Variants in SEMA6D observed in about 807,000 individuals in gnomAD.
SEMA6D encodes semaphorin 6D.
SEMA6D carries 35 observed loss-of-function variants against 106.6 expected under a neutral mutation model. The ratio of observed to expected loss-of-function variants is 0.33; its 90% CI spans 0.25 to 0.44. The LOEUF is 0.44. Among genes scored for constraint, SEMA6D ranks in the 20% least tolerant of loss-of-function variants. The pLI is 1.00. For synonymous variants in SEMA6D, 499 were observed against 487.7 expected, an observed-to-expected ratio of 1.02 and a Z score of -0.31; for missense variants, 1,185 against 1,345.9, an observed-to-expected ratio of 0.88 and a Z score of 1.87.
chr15:47,278,743 TTA>T (rs1397780875), intron 1 of SEMA6D, among the ~76,000 whole-genome samples: 1 of 151,044 alleles, frequency 6.6e-6, no homozygotes, highest in African/African-American at 2.4e-5. Context: ...TTTTATGGTT[TTA>T]GGTCTAACGT....
chr15:47,194,280 CACTCCTTATCATTT>C (rs1261921403), intron 1 of SEMA6D, among the ~76,000 whole-genome samples: 2 of 152,140 alleles, frequency 1.3e-5, no homozygotes, highest in African/African-American at 4.8e-5. Context: ...AAGTTATTAA[CACTCCTTATCATTT>C]ACTTCTGGTA....
At chr15:47,448,368 T>C (rs1286714022) in intron 2 of SEMA6D, among the ~76,000 whole-genome samples, 5 of 112,664 alleles carry the variant, frequency 4.4e-5, no homozygotes, top group African/African-American at 9.4e-5. Context: ...GAAATTGTCT[T>C]GTGAGGCTTC....
At chr15:47,281,866 A>C (rs888807366) in intron 1 of SEMA6D, among the ~76,000 whole-genome samples, 1 of 152,170 alleles carries the variant, frequency 6.6e-6, no homozygotes, top group Non-Finnish European at 1.5e-5. Flanking sequence ...TTTCCACGAT[A>C]CATCTAAATA....
At chr15:47,325,523 T>C (rs552305709) in intron 1 of SEMA6D, among the ~76,000 whole-genome samples, 1 of 152,340 alleles carries the variant, frequency 6.6e-6, no homozygotes, top group South Asian at 2.1e-4. Flanking sequence ...CTTTCACATA[T>C]TGTAATGAAC....
chr15:47,477,471 C>T (rs1007527417), intron 3 of SEMA6D, among the ~76,000 whole-genome samples: 1 of 152,086 alleles, frequency 6.6e-6, no homozygotes, highest in African/African-American at 2.4e-5. Flanking sequence ...TGGAATAACC[C>T]ACTTTTACAA....
At chr15:47,560,658 G>C (rs962767854) in intron 3 of SEMA6D, among the ~76,000 whole-genome samples, 3 of 152,034 alleles carry the variant, frequency 2.0e-5, no homozygotes, top group Admixed American at 2.0e-4. Context: ...GGTGAATTCT[G>C]TTCTCCAAAA....
chr15:47,605,147 T>C (rs2076751820), intron 4 of SEMA6D: 1 of 152,196 alleles, frequency 6.6e-6, no homozygotes, highest in East Asian at 1.9e-4. Flanking sequence ...GAGGCAAATC[T>C]AAGATGTTGG....
intron 1 of SEMA6D, among the ~76,000 whole-genome samples, chr15:47,383,200 A>G (rs1460936321): frequency 1.3e-5 from 2 of 152,222 alleles, no homozygotes; most frequent in Non-Finnish European, 2.9e-5. Context: ...TTCCAAGGAC[A>G]TAGTAGATTG....
intron 3 of SEMA6D, among the ~76,000 whole-genome samples, chr15:47,525,678 G>T (rs1566857859): frequency 6.6e-6 from 1 of 152,096 alleles, no homozygotes; most frequent in Non-Finnish European, 1.5e-5. Context: ...GTTAAAAAAG[G>T]CCCCTGAATT....
intron 18 of SEMA6D, 144 bp from the exon 19 acceptor site, chr15:47,770,353 A>G: frequency 1.7e-6 from 1 of 592,460 alleles, no homozygotes; most frequent in Non-Finnish European, 2.9e-6. Flanking sequence ...GACAAAATAT[A>G]CAAGGAATTT....
At chr15:47,552,781 T>C (rs2045744279) in intron 3 of SEMA6D, among the ~76,000 whole-genome samples, 1 of 25,788 alleles carries the variant, frequency 3.9e-5, no homozygotes, top group Admixed American at 8.0e-4. Flanking sequence ...ACAACCTGTT[T>C]ATATATATTT....
chr15:47,665,366 G>A (rs2078005974), intron 4 of SEMA6D, among the ~76,000 whole-genome samples: 1 of 150,282 alleles, frequency 6.7e-6, no homozygotes, highest in Admixed American at 6.6e-5. Context: ...TTATGCTTTT[G>A]TCTTTTGTTT....
intron 3 of SEMA6D, among the ~76,000 whole-genome samples, chr15:47,593,027 C>T (rs879667684): frequency 1.3e-5 from 2 of 152,156 alleles, no homozygotes; most frequent in Admixed American, 6.5e-5. Context: ...AGAGCCACAG[C>T]AGTACCTCTC....
At chr15:47,742,692 C>T (rs543746537) in intron 1 of SEMA6D, among the ~76,000 whole-genome samples, 2 of 152,224 alleles carry the variant, frequency 1.3e-5, no homozygotes, top group Admixed American at 1.3e-4. Flanking sequence ...GCCTCTCTAC[C>T]CAGCTTGGAA....
chr15:47,289,785 C>T (rs2035524274), intron 1 of SEMA6D, among the ~76,000 whole-genome samples: 2 of 151,764 alleles, frequency 1.3e-5, no homozygotes, highest in Middle Eastern at 3.2e-3. Flanking sequence ...CACTAAAGAT[C>T]AGAGAGGAAA....
At chr15:47,440,508 A>G (rs1344112688) in intron 2 of SEMA6D, among the ~76,000 whole-genome samples, 1 of 152,018 alleles carries the variant, frequency 6.6e-6, no homozygotes, top group Admixed American at 6.6e-5. Context: ...GCTGGAAAGG[A>G]ACAGAGCCCT....
At chr15:47,764,824 T>G (rs759246591) in intron 12 of SEMA6D, 31 bp downstream of exon 12, 3 of 1,613,558 alleles carry the variant, frequency 1.9e-6, no homozygotes, top group Non-Finnish European at 2.5e-6. Context: ...CTCCTTCCTA[T>G]TCAACGTTTT....
chr15:47,393,918 G>T (rs539270233), intron 1 of SEMA6D, among the ~76,000 whole-genome samples: 1 of 152,142 alleles, frequency 6.6e-6, no homozygotes, highest in Non-Finnish European at 1.5e-5. Flanking sequence ...TATGGAGAAG[G>T]TATAATTAAT....
intron 1 of SEMA6D, among the ~76,000 whole-genome samples, chr15:47,719,170 G>A (rs754026456): frequency 6.6e-6 from 1 of 151,972 alleles, no homozygotes; most frequent in Non-Finnish European, 1.5e-5. Flanking sequence ...GGGGTGTGGA[G>A]GGGGATTGAA....
Sources: gnomAD v4.1 joint callset for allele counts (sites outside exome capture counted in the v4.1 genomes callset) on GRCh38, gnomAD v4.1.1 for gene constraint, MANE v1.5 for transcripts, NCBI Gene and HGNC (gene_info 2026-07-23, HGNC 2026-07-21) for gene names.